STK35: variants seen among roughly 807,000 people sequenced by gnomAD.
The protein encoded by STK35 is serine/threonine kinase 35.
A neutral mutation model predicts 37.3 loss-of-function variants in STK35; 17 were observed. That is an observed-to-expected ratio of 0.46 (90% CI 0.31 to 0.68). STK35 has a LOEUF of 0.68. Among genes scored for constraint, STK35 ranks in the 30% least tolerant of loss-of-function variants. STK35 has a pLI of 0.05. For missense variants in STK35, 595 were observed against 746.7 expected (o/e 0.80, Z 2.37); for synonymous variants, 385 against 319.1 (o/e 1.21, Z -2.20).
At chr20:2,108,638 C>T (rs1985561728) in intron 2 of STK35, among the ~76,000 whole-genome samples, 1 of 152,198 alleles carries the variant, frequency 6.6e-6, no homozygotes, top group Non-Finnish European at 1.5e-5. Flanking sequence ...CTGCTCTCTG[C>T]TCTACTCTTG....
At chr20:2,119,185 A>C (rs942319640) in intron 3 of STK35, among the ~76,000 whole-genome samples, 1 of 152,176 alleles carries the variant, frequency 6.6e-6, no homozygotes, top group Admixed American at 6.5e-5. Context: ...TAATTCTTCA[A>C]ATCATAATTG....
intron 3 of STK35, among the ~76,000 whole-genome samples, chr20:2,138,889 T>C (rs927245997): frequency 6.6e-6 from 1 of 152,080 alleles, no homozygotes; most frequent in Non-Finnish European, 1.5e-5. Context: ...TAGCCAGGTG[T>C]AGTGGCATGT....
At chr20:2,136,582 C>T (rs926783416) in intron 3 of STK35, among the ~76,000 whole-genome samples, 1 of 151,266 alleles carries the variant, frequency 6.6e-6, no homozygotes, top group Admixed American at 6.6e-5. Flanking sequence ...CAACCAAAGG[C>T]AGAGATTTTT....
At chr20:2,140,371 C>G (rs1339098555) in intron 3 of STK35, among the ~76,000 whole-genome samples, 1 of 139,970 alleles carries the variant, frequency 7.1e-6, no homozygotes, top group Non-Finnish European at 1.6e-5. Flanking sequence ...AGCCTAAGGC[C>G]TCCCCAAGGG....
intron 2 of STK35, among the ~76,000 whole-genome samples, chr20:2,110,403 T>G (rs1018554849): frequency 6.6e-6 from 1 of 152,250 alleles, no homozygotes; most frequent in Non-Finnish European, 1.5e-5. Flanking sequence ...AAACTTTTGT[T>G]GAAGTATAAT....
At chr20:2,131,661 CT>C (rs1295530096) in intron 3 of STK35, among the ~76,000 whole-genome samples, 7 of 152,154 alleles carry the variant, frequency 4.6e-5, no homozygotes, top group Non-Finnish European at 7.4e-5. Flanking sequence ...CTTACTGTAA[CT>C]TTTTTGCTTT....
At chr20:2,119,784 C>T (rs534354112) in intron 3 of STK35, among the ~76,000 whole-genome samples, 27 of 152,326 alleles carry the variant, frequency 1.8e-4, no homozygotes, top group African/African-American at 4.8e-4. Flanking sequence ...CCATAAGGCA[C>T]GGAGCTTTCC....
chr20:2,146,173 TC>T lies in STK35; in HGVS notation c.*2431del, dbSNP rs1359640849. ...AGTGCCTGCCCTTGCTTCTTACCCC[TC>T]CCCTGCTTTCTCAAACACTTGCCCA... On this transcript the variant is annotated 3_prime_UTR_variant, in exon 4 of 4. Transcript: ENST00000381482. 1.3e-5 allele frequency: 2 copies of T among 152,134 alleles called. No homozygotes were observed. The highest frequency in any genetic ancestry group is 2.9e-5 in the Non-Finnish European group (2 of 68,050). 9.4% of individuals were successfully genotyped at this position (152,134 alleles called of 1,614,324 possible).
At chr20:2,113,488 C>T (rs1985658334) in intron 2 of STK35, among the ~76,000 whole-genome samples, 2 of 152,154 alleles carry the variant, frequency 1.3e-5, no homozygotes, top group Admixed American at 6.5e-5. Context: ...ATTGTGGGGG[C>T]AGCAGGCCTA....
At position 2,102,047 on chromosome 20, in the gene STK35, C is replaced by G. The variant is rs1346812209; in HGVS notation, c.166C>G (p.Arg56Gly). The change falls in exon 1 of 4, where the codon CGC (arginine) becomes GGC (glycine). Residue 56 changes from arginine (R) to glycine (G), a missense_variant. Around this residue, in one of 3 missense-constraint regions of STK35, gnomAD observed 389 missense variants for 320.0 expected, o/e 1.22. Transcript: ENST00000381482. Reference sequence around the variant, plus strand: ...CGCGGCAGCAGAAGGATCCGCTACACGCCGGGCTCGGGCCGCCACCTCCCG... The same window carrying G: ...CGCGGCAGCAGAAGGATCCGCTACAGGCCGGGCTCGGGCCGCCACCTCCCG... ...SAAAAEGSAT[R>G]RARAATSRAA... The G allele has an allele frequency of 3.3e-6, 5 of 1,524,292 alleles. No individual in the cohort carries two copies. The highest frequency in any genetic ancestry group is 2.4e-5 in the South Asian group (2 of 83,108). The allele number at this position is 1,524,292 out of a possible 1,614,324, so 94.4% of individuals were successfully genotyped here.
At chr20:2,116,596 A>T in intron 2 of STK35, 70 bp from the exon 3 acceptor site, 1 of 1,494,232 alleles carries the variant, frequency 6.7e-7, no homozygotes, top group East Asian at 2.3e-5. Flanking sequence ...AATACACTGC[A>T]TCCTTTAGTT....
intron 3 of STK35, among the ~76,000 whole-genome samples, chr20:2,139,983 T>C (rs1335550086): frequency 7.2e-5 from 11 of 152,218 alleles, no homozygotes; most frequent in African/African-American, 2.2e-4. Flanking sequence ...GATTGAAGAC[T>C]ATCATAGTGC....
At position 2,144,150 on chromosome 20, in the gene STK35, C is replaced by T. The variant is rs1986218519; in HGVS notation, c.*404C>T. 2 of 309,622 alleles carry T rather than the reference C, an allele frequency of 6.5e-6. No homozygotes were observed. The highest frequency in any genetic ancestry group is 1.2e-5 in the Non-Finnish European group (2 of 162,168). 19.2% of individuals were successfully genotyped at this position (309,622 alleles called of 1,614,324 possible). On this transcript the variant is annotated 3_prime_UTR_variant, in exon 4 of 4. Transcript: ENST00000381482. ...TTTGGTTTTGTCCTTCACTTTCCCT[C>T]TGTCTTCCTTCTTTATACTTTTCTC...
chr20:2,111,624 G>A (rs1277403556), intron 2 of STK35, among the ~76,000 whole-genome samples: 2 of 152,206 alleles, frequency 1.3e-5, no homozygotes, highest in Non-Finnish European at 2.9e-5. Context: ...GCTCCCTTGA[G>A]CCCAGAAGGT....
At chr20:2,124,793 G>T (rs535687292) in intron 3 of STK35, among the ~76,000 whole-genome samples, 2 of 152,268 alleles carry the variant, frequency 1.3e-5, no homozygotes, top group East Asian at 3.9e-4. Context: ...CATGTCCCTT[G>T]GGGCCTCATC....
At position 2,103,003 on chromosome 20, in the gene STK35, C is replaced by T. The variant is rs547889060; in HGVS notation, c.530C>T (p.Ala177Val). 3.5e-6 allele frequency: 5 copies of T among 1,418,212 alleles called. No individual in the cohort carries two copies. The African/African-American group carries it at 4.5e-5, about 13-fold the overall frequency. 87.9% of individuals were successfully genotyped at this position (1,418,212 alleles called of 1,614,324 possible). A position where few individuals can be genotyped will look rare whatever the true frequency, so the allele number is the denominator to read the frequency against. ...AAAARAMDPVAAEAPGEAFLA... is the reference protein window; with the variant it reads ...AAAARAMDPVVAEAPGEAFLA... Reference sequence around the variant, plus strand: ...GCGGCCCGGGCCATGGATCCGGTGGCGGCCGAGGCCCCGGGCGAGGCCTTC... The same window carrying T: ...GCGGCCCGGGCCATGGATCCGGTGGTGGCCGAGGCCCCGGGCGAGGCCTTC... Residue 177 changes from alanine (A) to valine (V), a missense_variant, in exon 2 of 4, where the codon GCG (alanine) becomes GTG (valine). Ala to Val is a moderately conservative substitution (Grantham distance 64, BLOSUM62 0). This residue lies in a region of STK35 where 389 missense variants were observed against 320.0 expected (regional missense o/e 1.22). Coordinates refer to ENST00000381482, the MANE Select transcript of STK35 (RefSeq NM_080836.4).
In STK35 at chr20:2,143,767, C is replaced by T. The variant is rs921136598; in HGVS notation, c.*38-17C>T. On this transcript the variant is annotated splice_polypyrimidine_tract_variant and intron_variant, in intron 3 of 3. Transcript: ENST00000381482. ...TGCTGACCAATGTCCCCTCCTTACC[C>T]GCCTTCTGTCTTCCAGGTCGATTCC... 2.1e-5 allele frequency: 8 copies of T among 373,468 alleles called. No homozygotes were observed. Among genetic ancestry groups the T allele is most frequent in the East Asian group, 8.6e-5 (1 of 11,670 alleles). 23.1% of individuals were successfully genotyped at this position (373,468 alleles called of 1,614,324 possible).
intron 3 of STK35, among the ~76,000 whole-genome samples, chr20:2,118,507 G>C (rs557160842): frequency 6.6e-6 from 1 of 152,090 alleles, no homozygotes; most frequent in Non-Finnish European, 1.5e-5. Flanking sequence ...GTGTGAACCC[G>C]GGAGGCGGAG....
At chr20:2,116,579 A>C in intron 2 of STK35, 87 bp from the exon 3 acceptor site, 1 of 1,400,098 alleles carries the variant, frequency 7.1e-7, no homozygotes, top group Middle Eastern at 2.4e-4. Flanking sequence ...CACCAATGTC[A>C]CTCTTGAATA....
Sources: allele counts gnomAD v4.1 joint callset (sites outside exome capture counted in the v4.1 genomes callset), GRCh38; gene constraint gnomAD v4.1.1; regional missense constraint gnomAD v4.1.1; transcripts MANE v1.5; gene names NCBI Gene and HGNC (gene_info 2026-07-23, HGNC 2026-07-21).